The following PPP1R16A variants were observed in gnomAD, a reference collection of about 807,000 sequenced individuals.
The protein encoded by PPP1R16A is myosin phosphatase-targeting subunit 3.
Under a neutral mutation model 46.6 loss-of-function variants are expected in PPP1R16A, and 39 were observed. That is an observed-to-expected ratio of 0.84 (90% confidence interval 0.65 to 1.09). The LOEUF (loss-of-function observed/expected upper bound fraction) is 1.09, where lower values mean the gene tolerates loss of function less well. Ranked by LOEUF, PPP1R16A falls within the 50% of genes least tolerant of loss-of-function variation. The pLI is 0.00. For synonymous variants in PPP1R16A, 413 were observed against 321.5 expected, an observed-to-expected ratio of 1.28 and a Z score of -3.04; for missense variants, 798 against 735.6, an observed-to-expected ratio of 1.08 and a Z score of -0.98.
intron 1 of PPP1R16A, among the ~76,000 whole-genome samples, chr8:144,484,486 A>G (rs985769538): frequency 2.6e-5 from 4 of 152,204 alleles, no homozygotes; most frequent in African/African-American, 9.7e-5. Flanking sequence ...CTTTTGGTCT[A>G]GGGCTGGCTT....
In PPP1R16A at chr8:144,497,445, TG is replaced by T; in HGVS notation, c.253del (p.Glu85LysfsTer21). On this transcript the variant is annotated frameshift_variant, in exon 3 of 12. Transcript: ENST00000435887. LOFTEE classifies it high-confidence loss of function. ...VLLEAAARND[L>X]EEVRQFLGSG... ...CTGGAGGCCGCTGCCCGAAATGACC[TG>T]GAAGAAGGTGAGTGTGGCTGAGCCC... 1.2e-6 allele frequency: 2 copies of T among 1,612,832 alleles called. No individual in the cohort carries two copies. The highest frequency in any genetic ancestry group is 1.7e-6 in the Non-Finnish European group (2 of 1,179,996).
rs1221679530 is a variant in PPP1R16A, at chr8:144,496,620, ACCTCC to A, written c.-574_-570del. ...GCCCTCCCCCAGCCTCAGCGGCTGC[ACCTCC>A]TCGTTAGTACTGATGCACTGACCTC... On this transcript the variant is annotated 5_prime_UTR_variant, in exon 3 of 12. Transcript: ENST00000435887. The A allele has an allele frequency of 6.9e-5, 11 of 160,146 alleles. No homozygotes were observed. Among genetic ancestry groups the A allele is most frequent in the Admixed American group, 6.3e-4 (11 of 17,392 alleles). The allele number at this position is 160,146 out of a possible 1,614,324, so 9.9% of individuals were successfully genotyped here. A position where few individuals can be genotyped will look rare whatever the true frequency, so the allele number is the denominator to read the frequency against.
intron 1 of PPP1R16A, among the ~76,000 whole-genome samples, chr8:144,487,871 A>G (rs932538408): frequency 6.6e-6 from 1 of 152,180 alleles, no homozygotes; most frequent in African/African-American, 2.4e-5. Context: ...TGTGAGTCTC[A>G]CACTGTTGGG....
In PPP1R16A at chr8:144,500,510, G is replaced by C; in HGVS notation, c.729G>C (p.Gly243=). ...AGCTGCACGTCGCAGCCGCCAACGG[G>C]TTCAGCGAGGCGGCTGCCCTGCTGC... ...ATLLHVAAAN[G]FSEAAALLLE... is the part of the protein sequence containing the mutation. Residue 243 remains glycine, a synonymous_variant, in exon 8 of 12, where the codon GGG becomes GGC. Transcript: ENST00000435887. The C allele has an allele frequency of 6.3e-7, 1 of 1,589,626 alleles. No individual in the cohort carries two copies. Among genetic ancestry groups the C allele is most frequent in the Middle Eastern group, 1.7e-4 (1 of 5,978 alleles).
In PPP1R16A at chr8:144,501,825, G is replaced by T; in HGVS notation, c.1509G>T (p.Gly503=). ...PQPDCGFRAG[G]DPPLLKLTAP... ...CTGACTGTGGCTTCAGGGCAGGCGG[G>T]GACCCACCCCTGCTCAAGCTCACAG... The change falls in exon 12 of 12, where the codon GGG becomes GGT. Residue 503 remains glycine (G), a synonymous_variant. Transcript: ENST00000435887. The T allele has an allele frequency of 6.4e-7, 1 of 1,551,882 alleles. No individual in the cohort carries two copies. The highest frequency in any genetic ancestry group is 1.2e-5 in the South Asian group (1 of 84,442).
In PPP1R16A at chr8:144,478,137, G is replaced by C. The variant is rs1304737063; in HGVS notation, c.-914+10G>C. ...CGGCGCGGGGCGCGAGGTGAGGCGC[G>C]GACTCCCGGGTCCTGCGGCGGGAGC... On this transcript the variant is annotated intron_variant, in intron 1 of 11. Coordinates refer to ENST00000435887, the MANE Select transcript of PPP1R16A (RefSeq NM_001329443.2). 5.1e-6 allele frequency: 2 copies of C among 394,800 alleles called. No individual in the cohort carries two copies. The highest frequency in any genetic ancestry group is 2.1e-5 in the African/African-American group (1 of 48,424). The allele number at this position is 394,800 out of a possible 1,614,324, so 24.5% of individuals were successfully genotyped here.
rs549878054 is a variant in PPP1R16A at position 144,482,938 on chromosome 8, G to A, written c.-914+4811G>A. 7.9e-5 allele frequency among the ~76,000 whole-genome samples: 12 copies of A among 151,886 alleles called. No homozygotes were observed. In the East Asian group the frequency reaches 2.3e-3, roughly 29 times the overall value. ...TGGGATTACAGGCGTGAGCCACCGC[G>A]CCCGGCTTATTTTTTTGTATTTTTA... On this transcript the variant is annotated intron_variant, in intron 1 of 11. Transcript: ENST00000435887.
chr8:144,502,085 T>C lies in PPP1R16A; in HGVS notation c.*182T>C. On this transcript the variant is annotated 3_prime_UTR_variant, in exon 12 of 12. Coordinates refer to ENST00000435887, the MANE Select transcript of PPP1R16A (RefSeq NM_001329443.2). ...TGTCTGGCTGCAAAGACTATTTTTATCCTGCAACTCTTGATAAAGGGCTGT... is the reference window on the plus strand; with the variant it reads ...TGTCTGGCTGCAAAGACTATTTTTACCCTGCAACTCTTGATAAAGGGCTGT... 3.4e-6 allele frequency: 2 copies of C among 586,194 alleles called. No individual in the cohort carries two copies. Among genetic ancestry groups the C allele is most frequent in the Non-Finnish European group, 5.7e-6 (2 of 350,016 alleles). 36.3% of individuals were successfully genotyped at this position (586,194 alleles called of 1,614,324 possible).
At chr8:144,499,940 T>C in intron 5 of PPP1R16A, 156 bp from the exon 6 acceptor site, 2 of 678,278 alleles carry the variant, frequency 2.9e-6, no homozygotes, top group East Asian at 2.7e-5. Context: ...GGACAGCCGA[T>C]GGGCCCCAAG....
chr8:144,500,888 G>A lies in PPP1R16A; in HGVS notation c.954G>A (p.Lys318=). 1.9e-6 allele frequency: 3 copies of A among 1,551,478 alleles called. No individual in the cohort carries two copies. The highest frequency in any genetic ancestry group is 2.8e-5 in the African/African-American group (2 of 72,400). ...TGCGGGCCAAGCTGCTGGAGCTGAA[G>A]CACAAGCACGACGCCCTCCTGCGCG... The part of the protein sequence containing the change: ...EEVRAKLLEL[K]HKHDALLRAQ... Residue 318 remains lysine, a synonymous_variant, in exon 10 of 12, where the codon AAG becomes AAA. Coordinates refer to ENST00000435887, the MANE Select transcript of PPP1R16A (RefSeq NM_001329443.2).
chr8:144,480,787 G>A (rs542538564), intron 1 of PPP1R16A, among the ~76,000 whole-genome samples: 1 of 151,540 alleles, frequency 6.6e-6, no homozygotes, highest in South Asian at 2.1e-4. Flanking sequence ...CCCAGCCCAT[G>A]CTTTGATTTT....
chr8:144,480,384 C>T (rs1464447784), intron 1 of PPP1R16A, among the ~76,000 whole-genome samples: 1 of 152,190 alleles, frequency 6.6e-6, no homozygotes, highest in Non-Finnish European at 1.5e-5. Flanking sequence ...GCACAATCTC[C>T]ACTCACTGCA....
rs535231397 is a variant in PPP1R16A, at chr8:144,492,839, G to A, written c.-735+2627G>A. The stretch of plus-strand genomic sequence containing the variant: ...TCTTTTCTTTCTTTGAATGGCATGC[G>A]GCCTCTACCTGTCCCTTGTCCCTAT... On this transcript the variant is annotated intron_variant, in intron 2 of 11. Transcript: ENST00000435887. Among the ~76,000 whole-genome samples the A allele has an allele frequency of 7.2e-5, 11 of 152,166 alleles. 1 individual carries two copies. The highest frequency in any genetic ancestry group is 3.3e-4 in the Admixed American group (5 of 15,286).
chr8:144,497,073 TG>T lies in PPP1R16A; in HGVS notation c.-119del. ...TGACCCAGCCAAGGGCACGAAGCTCTGGGAAGGGGATGCCCCCGAGGGTGCC... is the reference window on the plus strand; with the variant it reads ...TGACCCAGCCAAGGGCACGAAGCTCTGGAAGGGGATGCCCCCGAGGGTGCC... On this transcript the variant is annotated 5_prime_UTR_variant, in exon 3 of 12. Transcript: ENST00000435887. 1 of 1,347,564 alleles carries T rather than the reference TG, an allele frequency of 7.4e-7. No homozygotes were observed. The highest frequency in any genetic ancestry group is 1.0e-6 in the Non-Finnish European group (1 of 985,618). 83.5% of individuals were successfully genotyped at this position (1,347,564 alleles called of 1,614,324 possible).
chr8:144,485,212 CAAAAAAAAAAAAAAA>C (rs749667274), intron 1 of PPP1R16A, among the ~76,000 whole-genome samples: 1 of 61,546 alleles, frequency 1.6e-5, no homozygotes, highest in African/African-American at 1.1e-4. Flanking sequence ...AATAGAATCT[CAAAAAAAAAAAAAAA>C]AAAAAAAAAA....
intron 6 of PPP1R16A, 23 bp from the exon 7 acceptor site, chr8:144,500,244 C>G: frequency 1.3e-6 from 2 of 1,571,962 alleles, no homozygotes; most frequent in Non-Finnish European, 1.7e-6. Context: ...GGTCGCGCTC[C>G]CTCTGAGCCT....
At chr8:144,492,112 T>G (rs896440107) in intron 2 of PPP1R16A, among the ~76,000 whole-genome samples, 1 of 152,074 alleles carries the variant, frequency 6.6e-6, no homozygotes, top group African/African-American at 2.4e-5. Context: ...GCAGGTGGTG[T>G]GGGGGCACTG....
rs1204534350 is a variant in PPP1R16A at position 144,501,849 on chromosome 8, A to C, written c.1533A>C (p.Thr511=). ...AGGDPPLLKL[T]APAVEAPVER... is the part of the protein sequence containing the mutation. ...GGGACCCACCCCTGCTCAAGCTCAC[A>C]GCCCCGGCGGTGGAGGCTCCCGTGG... is the stretch of plus-strand genomic sequence containing the variant. The change falls in exon 12 of 12, where the codon ACA becomes ACC. Residue 511 remains threonine, a synonymous_variant. Coordinates refer to ENST00000435887, the MANE Select transcript of PPP1R16A (RefSeq NM_001329443.2). 3.2e-6 allele frequency: 5 copies of C among 1,548,090 alleles called. No homozygotes were observed. The African/African-American group carries it at 6.8e-5, about 21-fold the overall frequency.
intron 11 of PPP1R16A, 86 bp from the exon 12 acceptor site, chr8:144,501,434 G>T (rs1826464151): frequency 1.4e-6 from 2 of 1,480,964 alleles, no homozygotes; most frequent in African/African-American, 2.8e-5. Flanking sequence ...TCTCCTGTCT[G>T]TCCCTTCATG....
Sources: gnomAD v4.1 joint callset for allele counts (sites outside exome capture counted in the v4.1 genomes callset) on GRCh38, gnomAD v4.1.1 for gene constraint, MANE v1.5 for transcripts, NCBI Gene and HGNC (gene_info 2026-07-23, HGNC 2026-07-21) for gene names.